SCFD2: variants seen among roughly 807,000 people sequenced by gnomAD.
The protein encoded by SCFD2 is sec1 family domain-containing protein 2.
A neutral mutation model predicts 58.9 loss-of-function variants in SCFD2; 54 were observed. The ratio of observed to expected loss-of-function variants is 0.92; its 90% CI spans 0.74 to 1.15. The LOEUF is 1.15. SCFD2 is among the 50% of genes most tolerant of loss of function. The pLI is 0.00. For synonymous variants in SCFD2, 321 were observed against 335.9 expected (o/e 0.96, Z 0.49); for missense variants, 805 against 836.6 (o/e 0.96, Z 0.47).
intron 2 of SCFD2, among the ~76,000 whole-genome samples, chr4:53,318,234 T>TA (rs1232781213): frequency 6.6e-6 from 1 of 152,214 alleles, no homozygotes; most frequent in African/African-American, 2.4e-5. Flanking sequence ...TATAGAAAGT[T>TA]AGTGTTTTTC....
At chr4:53,065,678 G>T (rs1723644253) in intron 5 of SCFD2, among the ~76,000 whole-genome samples, 1 of 151,986 alleles carries the variant, frequency 6.6e-6, no homozygotes, top group South Asian at 2.1e-4. Context: ...ATAAAAAAAT[G>T]ATAATTTTTT....
intron 5 of SCFD2, among the ~76,000 whole-genome samples, chr4:53,010,893 C>T (rs779455219): frequency 2.0e-5 from 3 of 152,024 alleles, no homozygotes; most frequent in Non-Finnish European, 4.4e-5. Context: ...AGAATGGTGA[C>T]AATTTAAAAT....
intron 4 of SCFD2, among the ~76,000 whole-genome samples, chr4:53,242,814 C>T (rs1240708528): frequency 6.6e-6 from 1 of 152,164 alleles, no homozygotes; most frequent in Admixed American, 6.5e-5. Flanking sequence ...GAAAAGCCCA[C>T]TACAAGAATT....
At chr4:52,948,292 T>C (rs1577851682) in intron 5 of SCFD2, 1 of 284,688 alleles carries the variant, frequency 3.5e-6, no homozygotes, top group East Asian at 8.8e-5. Flanking sequence ...GAGCCACAGC[T>C]TTCCCAGCAC....
chr4:53,194,546 A>C (rs1041298096), intron 4 of SCFD2, among the ~76,000 whole-genome samples: 3 of 152,178 alleles, frequency 2.0e-5, no homozygotes, highest in Non-Finnish European at 4.4e-5. Flanking sequence ...TTAAAGAACT[A>C]AGTTTTACTC....
chr4:53,106,487 G>T (rs1725005770), intron 5 of SCFD2, among the ~76,000 whole-genome samples: 1 of 152,134 alleles, frequency 6.6e-6, no homozygotes, highest in South Asian at 2.1e-4. Context: ...AAAGGTTAGA[G>T]GAATTGATAA....
intron 5 of SCFD2, among the ~76,000 whole-genome samples, chr4:52,960,368 CTTTT>C (rs35967473): frequency 4.4e-5 from 6 of 135,150 alleles, no homozygotes; most frequent in Admixed American, 1.5e-4. Context: ...TCTTCTTCTT[CTTTT>C]TTTTTTTTTT....
intron 5 of SCFD2, among the ~76,000 whole-genome samples, chr4:52,980,174 TGATA>T (rs1406855384): frequency 3.3e-5 from 5 of 152,186 alleles, no homozygotes; most frequent in Non-Finnish European, 4.4e-5. Context: ...TTAATGGAAA[TGATA>T]ATGTTGAAGA....
intron 5 of SCFD2, among the ~76,000 whole-genome samples, chr4:53,111,308 A>C (rs918883096): frequency 2.0e-5 from 3 of 152,148 alleles, no homozygotes; most frequent in African/African-American, 7.2e-5. Flanking sequence ...CATGTTCTGC[A>C]CATGTATCCC....
intron 5 of SCFD2, among the ~76,000 whole-genome samples, chr4:53,037,551 A>T (rs531063177): frequency 1.3e-5 from 2 of 152,164 alleles, no homozygotes; most frequent in African/African-American, 4.8e-5. Flanking sequence ...AATGAGTTTC[A>T]GCAATAATTT....
Position 53,365,578 on chromosome 4 carries a change from C to T in SCFD2, c.364G>A (p.Ala122Thr). 1 of 1,614,178 alleles carries T rather than the reference C, an allele frequency of 6.2e-7. No individual in the cohort carries two copies. ...HLTANHVPAA[A>T]AAEMEGQQPV... ...TGCTGCCCCTCCATCTCGGCCGCTG[C>T]CGCCGCTGGGACATGATTAGCTGTG... Residue 122 changes from alanine (A) to threonine (T), a missense_variant, in exon 1 of 9, where the codon GCA becomes ACA. Physicochemically the swap from Ala to Thr is moderately conservative, Grantham distance 58 (BLOSUM62 0). This residue lies in a region of SCFD2 where 17 missense variants were observed against 40.1 expected (regional missense o/e 0.42). Transcript: ENST00000401642. The surrounding 1 kb of genome is among the most constrained non-coding windows in gnomAD (Gnocchi z 4.3).
chr4:53,178,701 G>A (rs1274988122), intron 4 of SCFD2, among the ~76,000 whole-genome samples: 3 of 152,154 alleles, frequency 2.0e-5, no homozygotes, highest in Non-Finnish European at 2.9e-5. Flanking sequence ...AAACTACTCC[G>A]AGCTACAGGA....
chr4:52,969,965 AT>A (rs759024773), intron 5 of SCFD2, among the ~76,000 whole-genome samples: 14 of 152,162 alleles, frequency 9.2e-5, no homozygotes, highest in African/African-American at 3.4e-4. Flanking sequence ...ATACAGTTGC[AT>A]TTTTTTCACT....
intron 4 of SCFD2, among the ~76,000 whole-genome samples, chr4:53,227,781 A>G (rs1729271028): frequency 6.6e-6 from 1 of 152,206 alleles, no homozygotes; most frequent in African/African-American, 2.4e-5. Context: ...ATAAGGAATT[A>G]TTTCTGCAAA....
intron 4 of SCFD2, among the ~76,000 whole-genome samples, chr4:53,243,467 T>A (rs6810608): frequency 6.6e-6 from 1 of 151,858 alleles, no homozygotes; most frequent in Admixed American, 6.6e-5. Context: ...CTTACAAGAA[T>A]ATCTGAAAAA....
At chr4:53,302,694 C>T (rs947427105) in intron 3 of SCFD2, among the ~76,000 whole-genome samples, 21 of 152,134 alleles carry the variant, frequency 1.4e-4, no homozygotes, top group Admixed American at 9.8e-4. Flanking sequence ...TACCTGACTT[C>T]GAACTATACT....
At chr4:53,330,533 A>G (rs1275274292) in intron 2 of SCFD2, among the ~76,000 whole-genome samples, 3 of 152,202 alleles carry the variant, frequency 2.0e-5, no homozygotes. Flanking sequence ...TACTTTACAG[A>G]CAAGCAAATG....
chr4:53,256,824 AGCTTCG>A (rs1730653815), intron 4 of SCFD2, among the ~76,000 whole-genome samples: 1 of 148,014 alleles, frequency 6.8e-6, no homozygotes, highest in African/African-American at 2.5e-5. Context: ...AGTACAGTCC[AGCTTCG>A]GCTAGGCATC....
chr4:52,999,193 C>T (rs549517131), intron 5 of SCFD2, among the ~76,000 whole-genome samples: 34 of 152,328 alleles, frequency 2.2e-4, no homozygotes, highest in African/African-American at 7.5e-4. Context: ...ATATAATTAG[C>T]ACCCTGATTG....
Sources: allele counts gnomAD v4.1 joint callset (sites outside exome capture counted in the v4.1 genomes callset), GRCh38; gene constraint gnomAD v4.1.1; regional missense constraint gnomAD v4.1.1; non-coding constraint Gnocchi (gnomAD v3.1); transcripts MANE v1.5; gene names NCBI Gene and HGNC (gene_info 2026-07-23, HGNC 2026-07-21).